Variants in SGCG observed in about 807,000 individuals in gnomAD.
SGCG encodes sarcoglycan gamma.
Under a neutral mutation model 29.3 loss-of-function variants are expected in SGCG, and 26 were observed. The ratio of observed to expected loss-of-function variants is 0.89; its 90% CI spans 0.65 to 1.23. The LOEUF (loss-of-function observed/expected upper bound fraction) is 1.23. Among genes scored for constraint, SGCG ranks in the 50% most tolerant of loss-of-function variants. SGCG has a pLI of 0.00. For synonymous variants in SGCG, 145 were observed against 129.7 expected (o/e 1.12, Z -0.80); for missense variants, 353 against 356.0 (o/e 0.99, Z 0.07).
At chr13:23,236,841 T>G (rs1472305159) in intron 3 of SGCG, among the ~76,000 whole-genome samples, 9 of 152,122 alleles carry the variant, frequency 5.9e-5, no homozygotes. Context: ...AATCAACACA[T>G]AAAATTCAGT....
At chr13:23,279,578 T>C in intron 5 of SGCG, 100 bp downstream of exon 5, 1 of 1,226,920 alleles carries the variant, frequency 8.2e-7, no homozygotes, top group Non-Finnish European at 1.2e-6. Flanking sequence ...TTCAAGCAGA[T>C]AAGAGAGTTT....
chr13:23,204,617 T>C (rs12871192), intron 2 of SGCG, among the ~76,000 whole-genome samples: 118 of 20,906 alleles, frequency 5.6e-3, no homozygotes, highest in African/African-American at 0.012. Context: ...TTCTTTCTTT[T>C]CTTTCTTTCC....
At chr13:23,223,027 C>T (rs2137530384) in intron 2 of SGCG, among the ~76,000 whole-genome samples, 1 of 152,030 alleles carries the variant, frequency 6.6e-6, no homozygotes, top group East Asian at 1.9e-4. Context: ...GCCTGTAATC[C>T]CAGCACTTTG....
intron 1 of SGCG, among the ~76,000 whole-genome samples, chr13:23,181,828 A>G (rs1398967673): frequency 6.6e-6 from 1 of 152,242 alleles, no homozygotes; most frequent in African/African-American, 2.4e-5. Context: ...TAATACGGAA[A>G]AATATAACTC....
intron 4 of SGCG, among the ~76,000 whole-genome samples, chr13:23,273,822 G>A (rs949450331): frequency 2.0e-5 from 3 of 152,104 alleles, no homozygotes; most frequent in African/African-American, 4.8e-5. Context: ...AATGTGCCCC[G>A]GGCACTTGAG....
At chr13:23,172,855 G>T in the SGCG span, among the ~76,000 whole-genome samples, 1 of 152,180 alleles carries the variant, frequency 6.6e-6, no homozygotes, top group Admixed American at 6.5e-5. Context: ...CACCAGTCCT[G>T]CAAGAAAGGA....
intron 6 of SGCG, among the ~76,000 whole-genome samples, chr13:23,303,216 A>G (rs1345158896): frequency 6.6e-6 from 1 of 152,146 alleles, no homozygotes; most frequent in East Asian, 1.9e-4. Context: ...GGAGAAGGAG[A>G]TTGTTAAAAA....
At chr13:23,250,344 G>C (rs2137568909) in intron 3 of SGCG, among the ~76,000 whole-genome samples, 1 of 152,056 alleles carries the variant, frequency 6.6e-6, no homozygotes, top group Non-Finnish European at 1.5e-5. Context: ...ATATAGCTCT[G>C]TTAAATTGCA....
intron 1 of SGCG, among the ~76,000 whole-genome samples, chr13:23,187,288 A>G (rs75850415): frequency 0.02 from 3,001 of 152,196 alleles, 103 homozygotes; most frequent in African/African-American, 0.068. Flanking sequence ...TTCCTCCTTG[A>G]TGCCCAATAG....
chr13:23,203,596 A>C lies in SGCG; in HGVS notation c.1-99A>C, dbSNP rs530715985. 4.0e-5 allele frequency: 33 copies of C among 818,190 alleles called. No homozygotes were observed. The African/African-American group carries it at 4.7e-4, about 12-fold the overall frequency. 50.7% of individuals were successfully genotyped at this position (818,190 alleles called of 1,614,324 possible). On this transcript the variant is annotated intron_variant, in intron 1 of 7. Transcript: ENST00000218867. ...GAAATCTATGACTGGGATGAAAAAT[A>C]TGTTTTCAGGCTCATAGTAAATCAG...
At chr13:23,323,589 A>G (rs1405642664) in intron 7 of SGCG, among the ~76,000 whole-genome samples, 1 of 152,248 alleles carries the variant, frequency 6.6e-6, no homozygotes, top group African/African-American at 2.4e-5. Context: ...TTCCTTATCA[A>G]AAAGATTTCC....
chr13:23,175,614 T>C, the SGCG span, among the ~76,000 whole-genome samples: 5 of 152,158 alleles, frequency 3.3e-5, no homozygotes, highest in African/African-American at 1.2e-4. Flanking sequence ...GAGTTTTCTT[T>C]TTCTTTTAGC....
At chr13:23,300,809 T>TAAAA (rs58050317) in intron 6 of SGCG, among the ~76,000 whole-genome samples, 8 of 122,468 alleles carry the variant, frequency 6.5e-5, no homozygotes, top group African/African-American at 1.4e-4. Context: ...ACTAGTTTAC[T>TAAAA]AAAAAAAAAA....
chr13:23,298,504 A>G (rs986515822), intron 6 of SGCG, among the ~76,000 whole-genome samples: 2 of 152,234 alleles, frequency 1.3e-5, no homozygotes, highest in African/African-American at 4.8e-5. Context: ...TCTTACCCAC[A>G]AAGTGAACAT....
At chr13:23,239,669 T>A (rs1879433939) in intron 3 of SGCG, among the ~76,000 whole-genome samples, 1 of 152,166 alleles carries the variant, frequency 6.6e-6, no homozygotes, top group Non-Finnish European at 1.5e-5. Flanking sequence ...GCATAAAATG[T>A]ATGACACTAA....
chr13:23,169,660 A>G, the SGCG span, among the ~76,000 whole-genome samples: 20,330 of 149,566 alleles, frequency 0.14, 1,482 homozygotes, highest in East Asian at 0.19. Flanking sequence ...GCCCAGCAAC[A>G]GAGAGAGACT....
intron 3 of SGCG, among the ~76,000 whole-genome samples, chr13:23,247,868 T>C (rs1879775173): frequency 1.3e-5 from 2 of 150,242 alleles, no homozygotes. Context: ...GGAGGATCAC[T>C]TGAATCCACG....
intron 6 of SGCG, among the ~76,000 whole-genome samples, chr13:23,317,796 G>A (rs1430482371): frequency 6.6e-6 from 1 of 152,062 alleles, no homozygotes; most frequent in Non-Finnish European, 1.5e-5. Flanking sequence ...ATGTGTATGG[G>A]TTCAAGGGGT....
At chr13:23,249,009 AAAAC>A (rs1209653195) in intron 3 of SGCG, among the ~76,000 whole-genome samples, 3 of 148,982 alleles carry the variant, frequency 2.0e-5, no homozygotes, top group Non-Finnish European at 4.5e-5. Context: ...AAAAAAAAAA[AAAAC>A]AAACCTCAAT....
Sources: allele counts gnomAD v4.1 joint callset (sites outside exome capture counted in the v4.1 genomes callset), GRCh38; gene constraint gnomAD v4.1.1; transcripts MANE v1.5; gene names NCBI Gene and HGNC (gene_info 2026-07-23, HGNC 2026-07-21).